The following IQCM variants were observed in gnomAD, a reference collection of about 807,000 sequenced individuals.
IQCM encodes the protein IQ domain-containing protein M.
In IQCM, 45 loss-of-function variants were observed where a neutral mutation model predicts 57.6. The ratio of observed to expected loss-of-function variants is 0.78; its 90% CI spans 0.62 to 1.00. IQCM has a LOEUF of 1.00. Ranked by LOEUF, IQCM falls within the 50% of genes least tolerant of loss-of-function variation. The pLI is 0.00. For missense variants in IQCM, 468 were observed against 511.6 expected, an observed-to-expected ratio of 0.91 and a Z score of 0.82; for synonymous variants, 148 against 158.9, an observed-to-expected ratio of 0.93 and a Z score of 0.51.
rs73857709 is a variant in IQCM, at chr4:149,687,344, C to T, written c.386-876G>A. On this transcript the variant is annotated intron_variant, in intron 5 of 13. Transcript: ENST00000636793. ...TTAACTACAGTCGGCCTTCGGTGTCCTTGGGTTCTGCATCTGCAGATTCAA... is the reference window on the plus strand; with the variant it reads ...TTAACTACAGTCGGCCTTCGGTGTCTTTGGGTTCTGCATCTGCAGATTCAA... Among the ~76,000 whole-genome samples the T allele has an allele frequency of 3.0e-3, 456 of 151,376 alleles. 3 individuals are homozygous for T. Among genetic ancestry groups the T allele is most frequent in the African/African-American group, 0.01 (428 of 41,394 alleles).
intron 4 of IQCM, among the ~76,000 whole-genome samples, 186 bp from the exon 5 acceptor site, chr4:149,733,694 G>A (rs1444324379): frequency 6.8e-6 from 1 of 147,602 alleles, no homozygotes; most frequent in Non-Finnish European, 1.5e-5. Flanking sequence ...AGCTAAATCA[G>A]ATGTTATTCT....
chr4:149,611,087 A>G (rs1006811585), intron 8 of IQCM, among the ~76,000 whole-genome samples: 1 of 152,042 alleles, frequency 6.6e-6, no homozygotes, highest in Non-Finnish European at 1.5e-5. Context: ...AGACATACAA[A>G]CGGTCAAGTA....
intron 5 of IQCM, among the ~76,000 whole-genome samples, chr4:149,721,585 C>T (rs1002167826): frequency 7.2e-5 from 11 of 152,080 alleles, no homozygotes; most frequent in Non-Finnish European, 1.5e-4. Flanking sequence ...AAGATAGTGT[C>T]CTTCCATTCC....
At chr4:149,687,322 A>G (rs961872903) in intron 5 of IQCM, among the ~76,000 whole-genome samples, 1 of 151,628 alleles carries the variant, frequency 6.6e-6, no homozygotes, top group Non-Finnish European at 1.5e-5. Context: ...ATATTGATTA[A>G]CTACAGTCGG....
Position 149,527,691 on chromosome 4 carries a change from G to T in IQCM, c.1228+20764C>A, listed in dbSNP as rs540633977. Among the ~76,000 whole-genome samples the T allele has an allele frequency of 3.9e-5, 6 of 152,294 alleles. 1 individual carries two copies. In the South Asian group the frequency reaches 1.2e-3, roughly 32 times the overall value. On this transcript the variant is annotated intron_variant, in intron 12 of 13. Coordinates refer to ENST00000636793, the MANE Select transcript of IQCM (RefSeq NM_001363507.2). ...CAGGAGTTAATAAGGTTCCAAAAGA[G>T]AAACTTGCCCAAGATTATACAGCTA...
intron 12 of IQCM, among the ~76,000 whole-genome samples, chr4:149,497,747 TAA>T (rs531108794): frequency 8.3e-5 from 8 of 95,856 alleles, no homozygotes; most frequent in Admixed American, 1.1e-4. Flanking sequence ...TATTTCACTT[TAA>T]AAAAAAAAAA....
intron 2 of IQCM, among the ~76,000 whole-genome samples, chr4:149,805,585 A>C (rs975642508): frequency 1.3e-5 from 2 of 152,092 alleles, no homozygotes; most frequent in African/African-American, 4.8e-5. Flanking sequence ...TTTAGATCAG[A>C]TAAGGCTTTT....
intron 12 of IQCM, among the ~76,000 whole-genome samples, chr4:149,482,229 G>A (rs543495858): frequency 2.0e-5 from 3 of 152,056 alleles, no homozygotes; most frequent in African/African-American, 7.2e-5. Context: ...TGCAAATAAA[G>A]ATAATTTGAT....
intron 12 of IQCM, among the ~76,000 whole-genome samples, chr4:149,466,247 A>C (rs1738847353): frequency 6.6e-6 from 1 of 152,328 alleles, no homozygotes; most frequent in South Asian, 2.1e-4. Flanking sequence ...GAGTGAAGGA[A>C]GTACACTGAA....
intron 5 of IQCM, among the ~76,000 whole-genome samples, chr4:149,702,176 G>A (rs1763819220): frequency 6.6e-6 from 1 of 151,840 alleles, no homozygotes; most frequent in African/African-American, 2.4e-5. Flanking sequence ...AACACACTAA[G>A]TAAGATATTC....
intron 13 of IQCM, among the ~76,000 whole-genome samples, chr4:149,410,132 G>T (rs890813078): frequency 6.6e-6 from 1 of 152,074 alleles, no homozygotes; most frequent in Non-Finnish European, 1.5e-5. Context: ...GCAGTGAGCC[G>T]AGATTGCGCC....
At position 149,690,671 on chromosome 4, in the gene IQCM, G is replaced by A. The variant is rs74766251; in HGVS notation, c.386-4203C>T. 2.0e-4 allele frequency among the ~76,000 whole-genome samples: 30 copies of A among 152,160 alleles called. No individual in the cohort carries two copies. In the East Asian group the frequency reaches 5.6e-3, roughly 28 times the overall value. On this transcript the variant is annotated intron_variant, in intron 5 of 13. Coordinates refer to ENST00000636793, the MANE Select transcript of IQCM (RefSeq NM_001363507.2). ...TTTTATCAGGAACTTGGGCATTCTC[G>A]GATCTTGGAATGATGGAGGTAGGGT... is the stretch of plus-strand genomic sequence containing the variant.
At chr4:149,551,744 A>T (rs1201712838) in intron 11 of IQCM, among the ~76,000 whole-genome samples, 1 of 152,146 alleles carries the variant, frequency 6.6e-6, no homozygotes, top group East Asian at 1.9e-4. Flanking sequence ...GATCTTCCTG[A>T]ATTTTCTACT....
chr4:149,472,881 C>T (rs111895301), intron 12 of IQCM, among the ~76,000 whole-genome samples: 81,273 of 151,938 alleles, frequency 0.53, 21,964 homozygotes, highest in South Asian at 0.56. Context: ...GAAAGGATTC[C>T]CTGTTTAAAA....
intron 8 of IQCM, among the ~76,000 whole-genome samples, chr4:149,616,259 T>C (rs1372467277): frequency 1.3e-5 from 2 of 152,202 alleles, no homozygotes; most frequent in African/African-American, 2.4e-5. Context: ...TGGAATATTA[T>C]TCAGCCTAAG....
chr4:149,504,591 C>T (rs1220042880), intron 12 of IQCM, among the ~76,000 whole-genome samples: 2 of 151,958 alleles, frequency 1.3e-5, no homozygotes, highest in Admixed American at 1.3e-4. Context: ...AAAGGCAGAA[C>T]TCTCACGAAT....
chr4:149,413,522 G>A (rs981146938), intron 13 of IQCM, among the ~76,000 whole-genome samples: 6 of 152,090 alleles, frequency 3.9e-5, no homozygotes, highest in African/African-American at 1.4e-4. Flanking sequence ...AAAAATGGCT[G>A]ACACAGTTCC....
intron 12 of IQCM, among the ~76,000 whole-genome samples, chr4:149,489,733 G>A (rs1741886480): frequency 6.6e-6 from 1 of 151,656 alleles, no homozygotes; most frequent in Admixed American, 6.6e-5. Context: ...CACGCATTAT[G>A]GGCTCAAGGA....
chr4:149,466,523 G>A (rs972526026), intron 12 of IQCM, among the ~76,000 whole-genome samples: 4 of 152,150 alleles, frequency 2.6e-5, no homozygotes, highest in African/African-American at 9.7e-5. Flanking sequence ...GACTACTTAT[G>A]AGAAAACAGT....
Sources: gnomAD v4.1 joint callset for allele counts (sites outside exome capture counted in the v4.1 genomes callset) on GRCh38, gnomAD v4.1.1 for gene constraint, MANE v1.5 for transcripts, NCBI Gene and HGNC (gene_info 2026-07-23, HGNC 2026-07-21) for gene names.